The following ATF3 variants were observed in gnomAD, a reference collection of about 807,000 sequenced individuals.
ATF3 encodes the protein cyclic AMP-dependent transcription factor ATF-3.
A neutral mutation model predicts 18.4 loss-of-function variants in ATF3; 10 were observed. That is an observed-to-expected ratio of 0.54 (90% CI 0.34 to 0.92). ATF3 has a LOEUF of 0.92. ATF3 is among the 40% of genes least tolerant of loss of function. The pLI is 0.02. For synonymous variants in ATF3, 78 were observed against 87.9 expected (o/e 0.89, Z 0.63); for missense variants, 183 against 222.3 (o/e 0.82, Z 1.12).
intron 1 of ATF3, among the ~76,000 whole-genome samples, chr1:212,579,365 T>G (rs1280360727): frequency 6.6e-6 from 1 of 152,178 alleles, no homozygotes; most frequent in African/African-American, 2.4e-5. Context: ...TCCATGTACC[T>G]TCCCCATCAT....
intron 2 of ATF3, among the ~76,000 whole-genome samples, chr1:212,617,428 T>A (rs1655176387): frequency 1.3e-5 from 2 of 152,160 alleles, no homozygotes; most frequent in African/African-American, 4.8e-5. Context: ...TGGTGGCAAG[T>A]GGAAGTGTTT....
At chr1:212,584,990 C>T (rs1028539663) in intron 1 of ATF3, among the ~76,000 whole-genome samples, 3 of 152,176 alleles carry the variant, frequency 2.0e-5, no homozygotes, top group East Asian at 3.9e-4. Flanking sequence ...CATTCTCCAG[C>T]CCTGTGATCA....
rs529698383 is a variant in ATF3, at chr1:212,614,782, A to T, written c.-4-236A>T. Among the ~76,000 whole-genome samples, 137 of 152,340 alleles carry T rather than the reference A, an allele frequency of 9.0e-4. 1 individual carries two copies. Among genetic ancestry groups the T allele is most frequent in the Admixed American group, 1.9e-3 (29 of 15,306 alleles). ...TGAATTCAGAGTAGCCTGAAACATC[A>T]TCCCTTATAAATTTCAAATAGGCAT... On this transcript the variant is annotated intron_variant, in intron 1 of 3. Transcript: ENST00000341491.
At chr1:212,583,085 G>T (rs1030498527) in intron 1 of ATF3, among the ~76,000 whole-genome samples, 3 of 152,186 alleles carry the variant, frequency 2.0e-5, no homozygotes, top group Non-Finnish European at 4.4e-5. Flanking sequence ...CTGTCATGGG[G>T]CAGGCTCACT....
intron 1 of ATF3, among the ~76,000 whole-genome samples, chr1:212,586,561 T>C (rs1664783452): frequency 6.6e-6 from 1 of 152,198 alleles, no homozygotes; most frequent in African/African-American, 2.4e-5. Flanking sequence ...TTGAATAATA[T>C]TCCTGCCCTG....
rs563533210 is a variant in ATF3 at position 212,575,884 on chromosome 1, A to G, written c.-5+10401A>G. On this transcript the variant is annotated intron_variant, in intron 1 of 3. Transcript: ENST00000366981. Reference sequence around the variant, plus strand: ...TGAGATGAAATTCCACTTGGTCAAGATATTTTCTTTAAGATTTTGTATCTA... The same window carrying G: ...TGAGATGAAATTCCACTTGGTCAAGGTATTTTCTTTAAGATTTTGTATCTA... Among the ~76,000 whole-genome samples, 60 of 152,276 alleles carry G rather than the reference A, an allele frequency of 3.9e-4. 1 individual carries two copies. The South Asian group carries it at 0.011, about 29-fold the overall frequency.
intron 1 of ATF3, among the ~76,000 whole-genome samples, chr1:212,577,824 C>T (rs895020900): frequency 7.9e-5 from 12 of 152,172 alleles, no homozygotes; most frequent in African/African-American, 2.9e-4. Flanking sequence ...ATTCATTCAT[C>T]TGTTAATGGC....
intron 1 of ATF3, among the ~76,000 whole-genome samples, chr1:212,610,266 C>T (rs1654841897): frequency 6.6e-6 from 1 of 152,164 alleles, no homozygotes; most frequent in South Asian, 2.1e-4. Context: ...CCTTGATGAA[C>T]CCAGAAAGAA....
At chr1:212,603,762 G>A (rs1654546563), upstream of ATF3, among the ~76,000 whole-genome samples, 1 of 106,834 alleles carries the variant, frequency 9.4e-6, no homozygotes, top group Admixed American at 1.1e-4. Flanking sequence ...TTATTAAAAT[G>A]TGTGTGTATA....
At chr1:212,571,857 G>A (rs1664489380) in intron 1 of ATF3, among the ~76,000 whole-genome samples, 2 of 151,904 alleles carry the variant, frequency 1.3e-5, no homozygotes, top group South Asian at 4.2e-4. Flanking sequence ...GACTGCAGGA[G>A]CCCGCCACCA....
intron 1 of ATF3, among the ~76,000 whole-genome samples, chr1:212,582,865 T>G (rs75103264): frequency 0.03 from 4,600 of 152,138 alleles, 113 homozygotes; most frequent in Middle Eastern, 0.068. Context: ...GAAGTATAAT[T>G]CTCAGTTTAC....
intron 1 of ATF3, among the ~76,000 whole-genome samples, chr1:212,580,276 T>C (rs919790390): frequency 6.6e-6 from 1 of 152,202 alleles, no homozygotes; most frequent in African/African-American, 2.4e-5. Flanking sequence ...GTGAGCTCTA[T>C]TGGGAGGAAG....
intron 1 of ATF3, among the ~76,000 whole-genome samples, chr1:212,582,896 A>C (rs1664709876): frequency 6.6e-6 from 1 of 152,128 alleles, no homozygotes; most frequent in East Asian, 1.9e-4. Flanking sequence ...ACAGAGGCTC[A>C]GAGAAGTCAA....
Position 212,592,415 on chromosome 1 carries a change from T to C in ATF3, c.-4-22603T>C, listed in dbSNP as rs1389967921. 4.6e-5 allele frequency among the ~76,000 whole-genome samples: 7 copies of C among 150,784 alleles called. No individual in the cohort carries two copies. In the East Asian group the frequency reaches 9.7e-4, roughly 21 times the overall value. ...GAATTAGCTAATCTATGTTCACGTT[T>C]CCAAAAGTATGTCTTTAAATGTCAT... On this transcript the variant is annotated intron_variant, in intron 1 of 3. Transcript: ENST00000366981.
intron 1 of ATF3, among the ~76,000 whole-genome samples, chr1:212,584,686 C>T (rs1296081049): frequency 6.6e-6 from 1 of 152,178 alleles, no homozygotes; most frequent in Non-Finnish European, 1.5e-5. Context: ...CATGCTTGAC[C>T]AAATAACTGG....
At chr1:212,576,716 CTTTTCTTTTTT>C (rs1185405101) in intron 1 of ATF3, among the ~76,000 whole-genome samples, 7 of 78,258 alleles carry the variant, frequency 8.9e-5, no homozygotes, top group African/African-American at 3.1e-4. Context: ...CTTTTCTTTT[CTTTTCTTTTTT>C]TTTTTTTTTT....
chr1:212,614,660 A>G (rs1270677277), intron 1 of ATF3, among the ~76,000 whole-genome samples: 1 of 151,886 alleles, frequency 6.6e-6, no homozygotes, highest in Non-Finnish European at 1.5e-5. Flanking sequence ...GATTTTTAAA[A>G]TGGCCTCACT....
intron 1 of ATF3, among the ~76,000 whole-genome samples, chr1:212,578,776 C>T (rs1436142279): frequency 6.6e-6 from 1 of 152,144 alleles, no homozygotes; most frequent in East Asian, 1.9e-4. Context: ...TCACTCGGTG[C>T]TCATCCCTCC....
chr1:212,609,035 A>T (rs1216393553), intron 1 of ATF3, 105 bp downstream of exon 1: 2 of 151,776 alleles, frequency 1.3e-5, no homozygotes, highest in African/African-American at 4.9e-5. Context: ...CCCACCCCGG[A>T]TCCGCGCCCC....
Sources: allele counts gnomAD v4.1 joint callset (sites outside exome capture counted in the v4.1 genomes callset), GRCh38; gene constraint gnomAD v4.1.1; transcripts MANE v1.5; gene names NCBI Gene and HGNC (gene_info 2026-07-23, HGNC 2026-07-21).